The following CTSE variants were observed in gnomAD, a reference collection of about 807,000 sequenced individuals.
The protein encoded by CTSE is cathepsin E.
In CTSE, 43 loss-of-function variants were observed where a neutral mutation model predicts 42.8. The ratio of observed to expected loss-of-function variants is 1.01; its 90% CI spans 0.79 to 1.30. The LOEUF is 1.30. Among genes scored for constraint, CTSE ranks in the 50% most tolerant of loss-of-function variants. The probability of loss-of-function intolerance (pLI) is 0.00; values close to 1 mark genes in which losing one functional copy is unlikely to be tolerated. For synonymous variants in CTSE, 205 were observed against 191.5 expected (o/e 1.07, Z -0.58); for missense variants, 532 against 493.5 (o/e 1.08, Z -0.74).
Position 206,022,238 on chromosome 1 carries a change from G to A in CTSE, c.255C>T (p.Gly85=). ...TGACAGTGAAGTTCTGTGGTGGGGA[G>A]CCAATGGAGATAGTGCCGAAGTATT... ...DMEYFGTISI[G]SPPQNFTVIF... Residue 85 remains glycine, a synonymous_variant, in exon 3 of 9, where the codon GGC becomes GGT. Transcript: ENST00000358184. 6.2e-7 allele frequency: 1 copy of A among 1,612,648 alleles called. No individual in the cohort carries two copies. Among genetic ancestry groups the A allele is most frequent in the Non-Finnish European group, 8.5e-7 (1 of 1,178,898 alleles).
rs1389327674 is a variant in CTSE, at chr1:206,017,454, G to A, written c.463-1324C>T. Reference sequence around the variant, plus strand: ...AAATCTAAAAGGCTTCCGGTCCCAAGCATTTGGGATAAGGATCCATAACCT... The same window carrying A: ...AAATCTAAAAGGCTTCCGGTCCCAAACATTTGGGATAAGGATCCATAACCT... On this transcript the variant is annotated intron_variant, in intron 4 of 8. Transcript: ENST00000358184. Among the ~76,000 whole-genome samples the A allele has an allele frequency of 4.6e-5, 7 of 151,982 alleles. 1 individual carries two copies. The highest frequency in any genetic ancestry group is 1.0e-4 in the Non-Finnish European group (7 of 67,982).
intron 8 of CTSE, 71 bp downstream of exon 8, chr1:206,012,237 G>T: frequency 7.8e-7 from 1 of 1,288,764 alleles, no homozygotes; most frequent in Non-Finnish European, 1.1e-6. Context: ...AAGTGCAGGC[G>T]ATTGAAAAGG....
At chr1:206,010,626 C>T (rs1553276817) in intron 8 of CTSE, among the ~76,000 whole-genome samples, 2 of 152,124 alleles carry the variant, frequency 1.3e-5, no homozygotes, top group Non-Finnish European at 2.9e-5. Flanking sequence ...CCACCTACCC[C>T]TGTCACCATC....
chr1:206,017,210 T>A (rs1206333143), intron 4 of CTSE, among the ~76,000 whole-genome samples: 6 of 152,044 alleles, frequency 3.9e-5, no homozygotes, highest in Non-Finnish European at 8.8e-5. Context: ...ATAAATAGTG[T>A]CATTAAAAAT....
chr1:206,022,676 C>T (rs1661474212), intron 2 of CTSE, among the ~76,000 whole-genome samples: 1 of 152,004 alleles, frequency 6.6e-6, no homozygotes, highest in Non-Finnish European at 1.5e-5. Context: ...ATGATGCTTT[C>T]ACTCCCAGCC....
chr1:206,022,841 T>C, intron 2 of CTSE, 60 bp downstream of exon 2: 3 of 1,473,554 alleles, frequency 2.0e-6, no homozygotes, highest in Non-Finnish European at 2.7e-6. Flanking sequence ...GGCCATGCCC[T>C]AATGCTGGGC....
At chr1:206,017,634 C>A (rs1375733220) in intron 4 of CTSE, among the ~76,000 whole-genome samples, 1 of 151,976 alleles carries the variant, frequency 6.6e-6, no homozygotes, top group Admixed American at 6.6e-5. Context: ...GGACTACAGG[C>A]GTGTGCCACC....
rs782308461 is a variant in CTSE, at chr1:206,016,043, T to A, written c.550A>T (p.Ile184Phe). ...AAGGAGGGGTATCCCAGGCCCAGAA[T>A]TCCATCAAACTCTGCATCCACAAAG... Reference protein sequence around the residue: ...QTFVDAEFDGILGLGYPSLAV... With the variant: ...QTFVDAEFDGFLGLGYPSLAV... The change falls in exon 5 of 9, where the codon ATT (isoleucine) becomes TTT (phenylalanine). Residue 184 changes from isoleucine (I) to phenylalanine (F), a missense_variant. Transcript: ENST00000358184. 4 of 1,613,966 alleles carry A rather than the reference T, an allele frequency of 2.5e-6. No homozygotes were observed.
rs370421175 is a variant in CTSE, at chr1:206,012,678, C to T, written c.786-29G>A. ...AGGGGACAGGGTTGTGGTCGGCCCA[C>T]CTTCCCTCCCCCGGCTCCTAGGAAA... On this transcript the variant is annotated intron_variant, in intron 6 of 8. Transcript: ENST00000358184. 59 of 1,604,670 alleles carry T rather than the reference C, an allele frequency of 3.7e-5. No homozygotes were observed. In the African/African-American group the frequency reaches 7.1e-4, roughly 19 times the overall value.
Sources: allele counts gnomAD v4.1 joint callset (sites outside exome capture counted in the v4.1 genomes callset), GRCh38; gene constraint gnomAD v4.1.1; transcripts MANE v1.5; gene names NCBI Gene and HGNC (gene_info 2026-07-23, HGNC 2026-07-21).